Variants in EI24 observed in about 807,000 individuals in gnomAD.
EI24 encodes the protein EI24 autophagy associated transmembrane protein.
In EI24, 21 loss-of-function variants were observed where a neutral mutation model predicts 48.6. The observed-to-expected ratio is 0.43, with a 90% confidence interval of 0.31 to 0.62. The LOEUF is 0.62. Among genes scored for constraint, EI24 ranks in the 20% least tolerant of loss-of-function variants. The pLI is 0.10. For synonymous variants in EI24, 114 were observed against 145.5 expected (o/e 0.78, Z 1.56); for missense variants, 280 against 410.5 (o/e 0.68, Z 2.75).
chr11:125,578,236 G>C lies in EI24; in HGVS notation c.420G>C (p.Val140=). ...TCCCCTTGTTTGTGCTTAGCAAAGT[G>C]GTGAATGCCATTTGGTTTCAGGTAG... is the stretch of plus-strand genomic sequence containing the variant. ...WVLPLFVLSK[V]VNAIWFQDIA... Residue 140 remains valine (V), a synonymous_variant, in exon 6 of 11, where the codon GTG becomes GTC. Transcript: ENST00000278903. 2 of 1,613,974 alleles carry C rather than the reference G, an allele frequency of 1.2e-6. No individual in the cohort carries two copies. The highest frequency in any genetic ancestry group is 8.5e-7 in the Non-Finnish European group (1 of 1,179,886).
rs78163514 is a variant in EI24, at chr11:125,579,291, C to T, written c.561+223C>T. 3.6e-4 allele frequency among the ~76,000 whole-genome samples: 54 copies of T among 151,826 alleles called. No homozygotes were observed. In the East Asian group the frequency reaches 9.6e-3, roughly 27 times the overall value. On this transcript the variant is annotated intron_variant, in intron 7 of 10. Coordinates refer to ENST00000278903, the MANE Select transcript of EI24 (RefSeq NM_004879.5). ...TGAATTTACCTGCTTTTTTCTGCTA[C>T]TCTGGTTATTCTCCAGTCCTGCCAG...
intron 2 of EI24, 113 bp downstream of exon 2, chr11:125,572,682 TC>T: frequency 1.0e-6 from 1 of 992,630 alleles, no homozygotes; most frequent in Non-Finnish European, 1.5e-6. Context: ...TTTCTTGGGT[TC>T]TTTACATAAA....
intron 2 of EI24, 78 bp from the exon 3 acceptor site, chr11:125,575,185 T>C: frequency 1.5e-6 from 2 of 1,333,824 alleles, no homozygotes; most frequent in Non-Finnish European, 2.0e-6. Flanking sequence ...TATGATTGAG[T>C]CACTGCACTG....
At chr11:125,582,059 G>A (rs574969725) in intron 9 of EI24, among the ~76,000 whole-genome samples, 8 of 151,994 alleles carry the variant, frequency 5.3e-5, no homozygotes, top group South Asian at 4.1e-4. Flanking sequence ...TTAGCCAGGC[G>A]TGGTGGCACA....
chr11:125,579,845 G>A (rs1591359540), intron 7 of EI24, among the ~76,000 whole-genome samples: 1 of 152,016 alleles, frequency 6.6e-6, no homozygotes, highest in South Asian at 2.1e-4. Context: ...AAATCTTGTT[G>A]TAGAGACAGG....
At position 125,580,194 on chromosome 11, in the gene EI24, G is replaced by T; in HGVS notation, c.663G>T (p.Trp221Cys). Residue 221 changes from tryptophan (W) to cysteine (C), a missense_variant, in exon 8 of 11, where the codon TGG becomes TGT. By Grantham distance (215) the Trp-to-Cys change is radical. Around this residue, in one of 3 missense-constraint regions of EI24, gnomAD observed 204 missense variants for 294.1 expected, o/e 0.69. Transcript: ENST00000278903. ...CACTGTACTGCTTTGAATATCGTTG[G>T]TTCAATAAAGGTAAGTCCATCTAAA... Reference protein sequence around the residue: ...LYSLYCFEYRWFNKGIEMHQR... With the variant: ...LYSLYCFEYRCFNKGIEMHQR... 6.2e-7 allele frequency: 1 copy of T among 1,610,350 alleles called. No homozygotes were observed. The highest frequency in any genetic ancestry group is 8.5e-7 in the Non-Finnish European group (1 of 1,176,710).
intron 1 of EI24, chr11:125,570,283 C>T (rs1275940223): frequency 6.6e-6 from 1 of 152,186 alleles, no homozygotes; most frequent in African/African-American, 2.4e-5. Context: ...AGACTGGGTT[C>T]TCTCACCTGT....
intron 2 of EI24, among the ~76,000 whole-genome samples, chr11:125,574,079 C>T (rs1288592616): frequency 6.6e-6 from 1 of 151,886 alleles, no homozygotes; most frequent in East Asian, 1.9e-4. Flanking sequence ...GCAAAACCCC[C>T]TCTCTACTAA....
intron 9 of EI24, among the ~76,000 whole-genome samples, chr11:125,581,839 G>C (rs538247313): frequency 3.9e-5 from 6 of 151,940 alleles, no homozygotes; most frequent in African/African-American, 1.4e-4. Flanking sequence ...GAGCTACCAT[G>C]CCCAGCCCTG....
rs575047582 is a variant in EI24 at position 125,571,738 on chromosome 11, C to T, written c.-70-720C>T. ...CTAAAAATACACAAAATTAGCTGGG[C>T]GTGGTGGCGGGTTCCTGTAATCTCA... is the stretch of plus-strand genomic sequence containing the variant. On this transcript the variant is annotated intron_variant, in intron 1 of 10. Coordinates refer to ENST00000278903, the MANE Select transcript of EI24 (RefSeq NM_004879.5). Among the ~76,000 whole-genome samples, 409 of 152,096 alleles carry T rather than the reference C, an allele frequency of 2.7e-3. 3 individuals are homozygous for T. The highest frequency in any genetic ancestry group is 8.9e-3 in the African/African-American group (370 of 41,494).
In EI24 at chr11:125,572,883, A is replaced by G. The variant is rs111775433; in HGVS notation, c.42+314A>G. 3.4e-4 allele frequency among the ~76,000 whole-genome samples: 52 copies of G among 151,328 alleles called. 1 individual carries two copies. Among genetic ancestry groups the G allele is most frequent in the African/African-American group, 1.3e-3 (52 of 41,266 alleles). On this transcript the variant is annotated intron_variant, in intron 2 of 10. Coordinates refer to ENST00000278903, the MANE Select transcript of EI24 (RefSeq NM_004879.5). Reference sequence around the variant, plus strand: ...TTGGAATGTGTTTAGATTTACAGAAAAGTTATAAGGTAGTACAGAGAGTTC... The same window carrying G: ...TTGGAATGTGTTTAGATTTACAGAAGAGTTATAAGGTAGTACAGAGAGTTC...
chr11:125,576,174 A>G (rs550276), intron 3 of EI24, 81 bp from the exon 4 acceptor site: 195,017 of 1,321,768 alleles, frequency 0.15, 15,603 homozygotes, highest in Middle Eastern at 0.26. Context: ...CCCACAAAAG[A>G]TAAGATATAA....
At chr11:125,576,478 C>A (rs1320975466) in intron 4 of EI24, among the ~76,000 whole-genome samples, 163 bp downstream of exon 4, 5 of 152,326 alleles carry the variant, frequency 3.3e-5, no homozygotes, top group African/African-American at 1.2e-4. Flanking sequence ...AGATTTTATT[C>A]CCACTCAGGA....
At chr11:125,583,416 T>C in intron 10 of EI24, 105 bp from the exon 11 acceptor site, 1 of 923,660 alleles carries the variant, frequency 1.1e-6, no homozygotes. Context: ...GTTTCATTTG[T>C]CTTGTCTTTC....
At chr11:125,577,632 C>A in intron 5 of EI24, 62 bp downstream of exon 5, 1 of 1,366,276 alleles carries the variant, frequency 7.3e-7, no homozygotes, top group Non-Finnish European at 1.0e-6. Flanking sequence ...TTTCAGTCTC[C>A]CTCAGTTTAC....
At chr11:125,579,342 T>G (rs1358668814) in intron 7 of EI24, among the ~76,000 whole-genome samples, 2 of 151,948 alleles carry the variant, frequency 1.3e-5, no homozygotes, top group Non-Finnish European at 2.9e-5. Flanking sequence ...CTTTTTATAG[T>G]TATGCCTAAT....
At chr11:125,575,967 C>CT (rs1938733774) in intron 3 of EI24, 1 of 398,756 alleles carries the variant, frequency 2.5e-6, no homozygotes, top group Admixed American at 3.7e-5. Context: ...TTTTTATATT[C>CT]TTTAGTGGAG....
At position 125,569,553 on chromosome 11, in the gene EI24, G is replaced by C; in HGVS notation, c.-91G>C. On this transcript the variant is annotated 5_prime_UTR_variant, in exon 1 of 11. Transcript: ENST00000278903. ...GCGGTGGGCTAGGGGCAGGGCCGGAGCCGCGGCGGCGGAGCTGTGGGTAGG... is the reference window on the plus strand; with the variant it reads ...GCGGTGGGCTAGGGGCAGGGCCGGACCCGCGGCGGCGGAGCTGTGGGTAGG... The C allele has an allele frequency of 2.7e-6, 1 of 372,762 alleles. No individual in the cohort carries two copies. Among genetic ancestry groups the C allele is most frequent in the Non-Finnish European group, 4.8e-6 (1 of 209,438 alleles). The allele number at this position is 372,762 out of a possible 1,614,324, so 23.1% of individuals were successfully genotyped here.
chr11:125,575,213 C>T, intron 2 of EI24, 50 bp from the exon 3 acceptor site: 1 of 1,471,648 alleles, frequency 6.8e-7, no homozygotes, highest in African/African-American at 1.4e-5. Flanking sequence ...GGTGACAAAG[C>T]AAGACCCTGT....
Sources: allele counts gnomAD v4.1 joint callset (sites outside exome capture counted in the v4.1 genomes callset), GRCh38; gene constraint gnomAD v4.1.1; regional missense constraint gnomAD v4.1.1; transcripts MANE v1.5; gene names NCBI Gene and HGNC (gene_info 2026-07-23, HGNC 2026-07-21).